CSMD3: variants seen among roughly 807,000 people sequenced by gnomAD.
CSMD3 encodes CUB and sushi domain-containing protein 3.
CSMD3 carries 177 observed loss-of-function variants against 435.2 expected under a neutral mutation model. The observed-to-expected ratio is 0.41, with a 90% CI of 0.36 to 0.46. The LOEUF is 0.46. Ranked by LOEUF, CSMD3 falls within the 20% of genes least tolerant of loss-of-function variation. The pLI is 0.34. For missense variants in CSMD3, 4,265 were observed against 4,504.6 expected, an observed-to-expected ratio of 0.95 and a Z score of 1.52; for synonymous variants, 1,656 against 1,520.5, an observed-to-expected ratio of 1.09 and a Z score of -2.07.
chr8:112,909,482 TAATAACATACAAA>T (rs2130518874), intron 10 of CSMD3, among the ~76,000 whole-genome samples: 1 of 151,858 alleles, frequency 6.6e-6, no homozygotes, highest in South Asian at 2.1e-4. Flanking sequence ...TATCAGTAGA[TAATAACATACAAA>T]AGGAAAGGGA....
At chr8:112,252,290 T>C (rs1168470817) in intron 63 of CSMD3, among the ~76,000 whole-genome samples, 3 of 151,964 alleles carry the variant, frequency 2.0e-5, no homozygotes, top group Non-Finnish European at 4.4e-5. Context: ...ACTTTCTGTA[T>C]GTAGCTGAGA....
chr8:112,234,697 T>A (rs1813410939), intron 67 of CSMD3, among the ~76,000 whole-genome samples: 1 of 152,242 alleles, frequency 6.6e-6, no homozygotes, highest in Non-Finnish European at 1.5e-5. Context: ...ATTTCTTAGT[T>A]GTGGGGTTTA....
intron 40 of CSMD3, among the ~76,000 whole-genome samples, chr8:112,348,721 A>G (rs973099122): frequency 2.6e-5 from 4 of 152,160 alleles, no homozygotes; most frequent in Admixed American, 6.5e-5. Context: ...ACATGGTGAA[A>G]CCCCAACTTT....
chr8:112,893,638 G>A (rs2081866303), intron 10 of CSMD3, among the ~76,000 whole-genome samples: 1 of 151,420 alleles, frequency 6.6e-6, no homozygotes, highest in Admixed American at 6.6e-5. Context: ...CATATTCTCT[G>A]AGGCAGACTC....
At chr8:112,683,721 CTTA>C (rs910016583) in intron 15 of CSMD3, among the ~76,000 whole-genome samples, 25 of 151,898 alleles carry the variant, frequency 1.6e-4, no homozygotes, top group African/African-American at 4.6e-4. Context: ...ATGCTTATAA[CTTA>C]TTATTATATT....
In CSMD3 at chr8:113,084,715, G is replaced by A. The variant is rs61172848; in HGVS notation, c.917+14041C>T. Among the ~76,000 whole-genome samples the A allele has an allele frequency of 3.7e-3, 544 of 147,858 alleles. 3 individuals carry two copies. Among genetic ancestry groups the A allele is most frequent in the African/African-American group, 0.013 (508 of 40,306 alleles). ...TCACACTACCTGTTTTCAAAATATA[G>A]TACAAAACTATAGTAAGTAAACCAG... On this transcript the variant is annotated intron_variant, in intron 5 of 70. Transcript: ENST00000297405.
intron 31 of CSMD3, among the ~76,000 whole-genome samples, chr8:112,487,090 T>C (rs1669933100): frequency 6.6e-6 from 1 of 152,198 alleles, no homozygotes; most frequent in Non-Finnish European, 1.5e-5. Flanking sequence ...TTAAGAATAT[T>C]TCATTTGTAC....
At chr8:112,928,199 C>T (rs900617910) in intron 9 of CSMD3, among the ~76,000 whole-genome samples, 30 of 151,836 alleles carry the variant, frequency 2.0e-4, no homozygotes, top group Admixed American at 5.9e-4. Flanking sequence ...AGGAAAAATC[C>T]CAAAAGAAAT....
intron 2 of CSMD3, among the ~76,000 whole-genome samples, chr8:113,299,687 T>C (rs886379627): frequency 4.0e-5 from 6 of 151,790 alleles, no homozygotes; most frequent in African/African-American, 9.7e-5. Context: ...CCAGTCAGAA[T>C]TGCCATTTTT....
chr8:112,980,767 C>A (rs1202870040), intron 6 of CSMD3, among the ~76,000 whole-genome samples: 1 of 151,588 alleles, frequency 6.6e-6, no homozygotes, highest in Non-Finnish European at 1.5e-5. Context: ...ATTTCGTTTT[C>A]ATTAAGCGTA....
rs190854353 is a variant in CSMD3 at position 112,479,980 on chromosome 8, A to G, written c.5279-7273T>C. ...ACTAGCAGCTTGCACCTCTGCCTGG[A>G]AAAGCTGCAAGCACTCAACTCAAAC... is the stretch of plus-strand genomic sequence containing the variant. On this transcript the variant is annotated intron_variant, in intron 31 of 70. Transcript: ENST00000297405. 1.2e-3 allele frequency among the ~76,000 whole-genome samples: 185 copies of G among 152,312 alleles called. 1 individual carries two copies. Among genetic ancestry groups the G allele is most frequent in the African/African-American group, 4.3e-3 (178 of 41,580 alleles).
intron 2 of CSMD3, among the ~76,000 whole-genome samples, chr8:113,285,021 C>T (rs1367608386): frequency 6.6e-6 from 1 of 152,062 alleles, no homozygotes; most frequent in Non-Finnish European, 1.5e-5. Flanking sequence ...GACTTCAATC[C>T]ACTAGGACTT....
At chr8:112,746,250 A>G (rs1164053899) in intron 13 of CSMD3, among the ~76,000 whole-genome samples, 1 of 152,146 alleles carries the variant, frequency 6.6e-6, no homozygotes, top group Admixed American at 6.5e-5. Context: ...TGCCAGCATT[A>G]TTACTGCAAT....
intron 13 of CSMD3, among the ~76,000 whole-genome samples, chr8:112,790,978 A>G (rs1026927666): frequency 6.6e-6 from 1 of 152,134 alleles, no homozygotes; most frequent in Non-Finnish European, 1.5e-5. Context: ...ATACAGTTTG[A>G]TAAATTTTCA....
intron 27 of CSMD3, among the ~76,000 whole-genome samples, chr8:112,524,822 T>C (rs2131033079): frequency 6.6e-6 from 1 of 152,174 alleles, no homozygotes; most frequent in Middle Eastern, 3.4e-3. Context: ...AAAAGCATCT[T>C]CTTTATATGA....
Position 112,971,941 on chromosome 8 carries a change from T to C in CSMD3, c.1342+3896A>G, listed in dbSNP as rs143649226. 9.5e-3 allele frequency among the ~76,000 whole-genome samples: 1,450 copies of C among 152,156 alleles called. 16 individuals carry two copies. The highest frequency in any genetic ancestry group is 0.034 in the African/African-American group (1,393 of 41,542). On this transcript the variant is annotated intron_variant, in intron 7 of 70. Transcript: ENST00000297405. ...AATTGGAATGGTACCCTATAAAGAATTGAAAATATCTTTGAGAAATATTTT... is the reference window on the plus strand; with the variant it reads ...AATTGGAATGGTACCCTATAAAGAACTGAAAATATCTTTGAGAAATATTTT...
chr8:113,428,684 C>A (rs1223947079), intron 1 of CSMD3, among the ~76,000 whole-genome samples: 1 of 151,828 alleles, frequency 6.6e-6, no homozygotes, highest in African/African-American at 2.4e-5. Flanking sequence ...TATCCCGGTA[C>A]CATTTCCCAA....
chr8:113,131,731 C>T (rs1425618940), intron 4 of CSMD3, among the ~76,000 whole-genome samples: 1 of 152,146 alleles, frequency 6.6e-6, no homozygotes, highest in Non-Finnish European at 1.5e-5. Flanking sequence ...CTTCCACACC[C>T]TAAAACTGTA....
At chr8:112,596,981 T>C (rs1831791431) in intron 22 of CSMD3, among the ~76,000 whole-genome samples, 1 of 151,758 alleles carries the variant, frequency 6.6e-6, no homozygotes, top group Non-Finnish European at 1.5e-5. Flanking sequence ...GCAAACACAT[T>C]CAAAAGCTAG....
Sources: gnomAD v4.1 joint callset for allele counts (sites outside exome capture counted in the v4.1 genomes callset) on GRCh38, gnomAD v4.1.1 for gene constraint, MANE v1.5 for transcripts, NCBI Gene and HGNC (gene_info 2026-07-23, HGNC 2026-07-21) for gene names.